The following HEXA variants were observed in gnomAD, a reference collection of about 807,000 sequenced individuals.
HEXA encodes the protein beta-hexosaminidase subunit alpha.
Under a neutral mutation model 73.3 loss-of-function variants are expected in HEXA, and 54 were observed. The ratio of observed to expected loss-of-function variants is 0.74; its 90% CI spans 0.59 to 0.92. The LOEUF (loss-of-function observed/expected upper bound fraction) is 0.92. Ranked by LOEUF, HEXA falls within the 40% of genes least tolerant of loss-of-function variation. HEXA has a pLI of 0.00. For missense variants in HEXA, 649 were observed against 653.0 expected (o/e 0.99, Z 0.07); for synonymous variants, 230 against 246.9 (o/e 0.93, Z 0.64).
rs575235771 is a variant in HEXA at position 72,346,154 on chromosome 15, G to A, written c.1421+81C>T. The stretch of plus-strand genomic sequence containing the variant: ...CTGAAAGAAGGGTACTAGTCCAGAG[G>A]TGGCTAGATGGGATTGGGTCTCTAA... On this transcript the variant is annotated intron_variant, in intron 12 of 13. Coordinates refer to ENST00000268097, the MANE Select transcript of HEXA (RefSeq NM_000520.6). 8 of 959,368 alleles carry A rather than the reference G, an allele frequency of 8.3e-6. No homozygotes were observed. In the Middle Eastern group the frequency reaches 8.1e-4, roughly 97 times the overall value. 59.4% of individuals were successfully genotyped at this position (959,368 alleles called of 1,614,324 possible). A position where few individuals can be genotyped will look rare whatever the true frequency, so the allele number is the denominator to read the frequency against.
At position 72,344,064 on chromosome 15, in the gene HEXA, C is replaced by T. The variant is rs750636737; in HGVS notation, c.*13G>A. On this transcript the variant is annotated 3_prime_UTR_variant, in exon 14 of 14. Transcript: ENST00000268097. ...ATTCACCTACAGCCAGCACCCTCCT[C>T]GGTGCCTGGGGCTCAGGTCTGTTCA... 8.7e-6 allele frequency: 14 copies of T among 1,611,248 alleles called. No homozygotes were observed. Among genetic ancestry groups the T allele is most frequent in the Admixed American group, 1.7e-5 (1 of 59,998 alleles).
chr15:72,356,877 T>C (rs2088792303), intron 1 of HEXA: 1 of 567,910 alleles, frequency 1.8e-6, no homozygotes, highest in African/African-American at 1.9e-5. Context: ...GGCTCTATAT[T>C]TCTGACTGCC....
rs1432462387 is a variant in HEXA, at chr15:72,344,096, T to C, written c.1571A>G (p.Gln524Arg). ...TGGGGCTCAGGTCTGTTCAAACTCC[T>C]GCTCACAGAAGCCTACATTGAGGGG... ...AQPLNVGFCE[Q>R]EFEQT Residue 524 changes from glutamine (Q) to arginine (R), a missense_variant, in exon 14 of 14, where the codon CAG (glutamine) becomes CGG (arginine). Coordinates refer to ENST00000268097, the MANE Select transcript of HEXA (RefSeq NM_000520.6). 6.2e-7 allele frequency: 1 copy of C among 1,613,856 alleles called. No individual in the cohort carries two copies.
At chr15:72,353,850 G>C in intron 3 of HEXA, 113 bp from the exon 4 acceptor site, 1 of 813,880 alleles carries the variant, frequency 1.2e-6, no homozygotes, top group Admixed American at 1.8e-5. Flanking sequence ...CAGGGAAAAT[G>C]GATGTAGTGT....
intron 1 of HEXA, chr15:72,358,573 A>G (rs944411723): frequency 1.1e-4 from 16 of 152,184 alleles, no homozygotes; most frequent in African/African-American, 3.9e-4. Context: ...ATAGGAAAAC[A>G]CTTTTTTTCC....
At chr15:72,356,243 T>C (rs537995240) in intron 2 of HEXA, among the ~76,000 whole-genome samples, 99 of 152,202 alleles carry the variant, frequency 6.5e-4, no homozygotes, top group Non-Finnish European at 1.3e-3. Context: ...AGTAGCAAAG[T>C]ATACACTTTC....
chr15:72,364,000 C>T (rs533348375), intron 1 of HEXA, among the ~76,000 whole-genome samples: 25 of 152,158 alleles, frequency 1.6e-4, no homozygotes, highest in Admixed American at 2.6e-4. Context: ...ACCTGCAACC[C>T]CAGCACTTTG....
At chr15:72,345,196 C>G in intron 13 of HEXA, 1 of 558,190 alleles carries the variant, frequency 1.8e-6, no homozygotes, top group South Asian at 2.0e-5. Context: ...TCTTAGATTA[C>G]TTATACCTAA....
At chr15:72,358,842 A>T (rs1175400762) in intron 1 of HEXA, 3 of 152,254 alleles carry the variant, frequency 2.0e-5, no homozygotes, top group African/African-American at 7.2e-5. Flanking sequence ...ATAGGGTATC[A>T]CCACTGTGGT....
At chr15:72,347,596 G>A (rs1256479621) in intron 10 of HEXA, 90 bp downstream of exon 10, 1 of 1,032,654 alleles carries the variant, frequency 9.7e-7, no homozygotes, top group Non-Finnish European at 1.5e-6. Flanking sequence ...TCCAAACCAG[G>A]AGGATCAGTC....
chr15:72,363,607 T>C (rs922173051), intron 1 of HEXA, among the ~76,000 whole-genome samples: 2 of 152,182 alleles, frequency 1.3e-5, no homozygotes, highest in Non-Finnish European at 2.9e-5. Flanking sequence ...GTCTAGATCA[T>C]GGTACCTCCT....
Position 72,346,174 on chromosome 15 carries a change from C to G in HEXA, c.1421+61G>C, listed in dbSNP as rs1003676021. Reference sequence around the variant, plus strand: ...CAGAGGTGGCTAGATGGGATTGGGTCTCTAAGGGAGAACTCCTGCTCTCAG... The same window carrying G: ...CAGAGGTGGCTAGATGGGATTGGGTGTCTAAGGGAGAACTCCTGCTCTCAG... On this transcript the variant is annotated intron_variant, in intron 12 of 13. Coordinates refer to ENST00000268097, the MANE Select transcript of HEXA (RefSeq NM_000520.6). 6.4e-6 allele frequency: 8 copies of G among 1,257,204 alleles called. No individual in the cohort carries two copies. The African/African-American group carries it at 8.8e-5, about 14-fold the overall frequency. The allele number at this position is 1,257,204 out of a possible 1,614,324, so 77.9% of individuals were successfully genotyped here.
At chr15:72,365,917 C>CT (rs2088910766) in intron 1 of HEXA, among the ~76,000 whole-genome samples, 1 of 152,192 alleles carries the variant, frequency 6.6e-6, no homozygotes, top group Admixed American at 6.5e-5. Context: ...ATATAACCCC[C>CT]TTTGCTCACT....
At position 72,370,697 on chromosome 15, in the gene HEXA, T is replaced by TA. The variant is rs371092265; in HGVS notation, c.253+5022dup. ...GAATGACAGAGAAAGACCTGTTTCTTAAAAAAAAAAAGAAAGAAAAGAAAA... is the reference window on the plus strand; with the variant it reads ...GAATGACAGAGAAAGACCTGTTTCTTAAAAAAAAAAAAGAAAGAAAAGAAAA... On this transcript the variant is annotated intron_variant, in intron 1 of 13. Coordinates refer to ENST00000268097, the MANE Select transcript of HEXA (RefSeq NM_000520.6). 3.6e-3 allele frequency: 1,209 copies of TA among 339,352 alleles called. 6 individuals are homozygous for TA. The highest frequency in any genetic ancestry group is 0.014 in the South Asian group (86 of 6,330). The allele number at this position is 339,352 out of a possible 1,614,324, so 21.0% of individuals were successfully genotyped here. A position where few individuals can be genotyped will look rare whatever the true frequency, so the allele number is the denominator to read the frequency against.
chr15:72,363,490 G>A (rs1351706729), intron 1 of HEXA, among the ~76,000 whole-genome samples: 1 of 152,194 alleles, frequency 6.6e-6, no homozygotes, highest in Non-Finnish European at 1.5e-5. Flanking sequence ...GTGTAGCTAG[G>A]AGAGAAGTCA....
At chr15:72,362,321 A>C (rs995664770) in intron 1 of HEXA, 1 of 391,436 alleles carries the variant, frequency 2.6e-6, no homozygotes, top group African/African-American at 2.1e-5. Context: ...ATGTATACAT[A>C]CATTTTTCAA....
chr15:72,353,624 G>A (rs2140326713), intron 4 of HEXA, 67 bp downstream of exon 4: 1 of 1,256,448 alleles, frequency 8.0e-7, no homozygotes, highest in South Asian at 1.2e-5. Flanking sequence ...GATTTTTCTA[G>A]GATTCTCAAT....
chr15:72,364,334 G>GTAACATTTT (rs1351518093), intron 1 of HEXA, among the ~76,000 whole-genome samples: 1 of 151,972 alleles, frequency 6.6e-6, no homozygotes, highest in East Asian at 1.9e-4. Flanking sequence ...CTATTAGTTT[G>GTAACATTTT]TAACATTTTT....
chr15:72,362,541 T>G, intron 1 of HEXA: 1 of 453,738 alleles, frequency 2.2e-6, no homozygotes. Flanking sequence ...CAGGCATAAA[T>G]AGCAAGTAGT....
Sources: gnomAD v4.1 joint callset for allele counts (sites outside exome capture counted in the v4.1 genomes callset) on GRCh38, gnomAD v4.1.1 for gene constraint, MANE v1.5 for transcripts, NCBI Gene and HGNC (gene_info 2026-07-23, HGNC 2026-07-21) for gene names.